The following GCH1 variants were observed in gnomAD, a reference collection of about 807,000 sequenced individuals.
GCH1 encodes the protein GTP cyclohydrolase I.
A neutral mutation model predicts 25.9 loss-of-function variants in GCH1; 5 were observed. That is an observed-to-expected ratio of 0.19 (90% CI 0.10 to 0.41). The LOEUF (loss-of-function observed/expected upper bound fraction) is 0.41, where lower values mean the gene tolerates loss of function less well. Among genes scored for constraint, GCH1 ranks in the 10% least tolerant of loss-of-function variants. The pLI is 1.00. For synonymous variants in GCH1, 159 were observed against 129.6 expected (o/e 1.23, Z -1.54); for missense variants, 261 against 336.5 (o/e 0.78, Z 1.75).
intron 3 of GCH1, among the ~76,000 whole-genome samples, chr14:54,853,109 G>A (rs564067611): frequency 1.3e-5 from 2 of 152,170 alleles, no homozygotes; most frequent in East Asian, 1.9e-4. Flanking sequence ...GACTACAGGC[G>A]TGTGCCACCA....
chr14:54,897,730 G>A (rs112482831), intron 1 of GCH1, among the ~76,000 whole-genome samples: 217 of 152,296 alleles, frequency 1.4e-3, no homozygotes, highest in African/African-American at 4.8e-3. Context: ...TCAAATACCA[G>A]CTCTACTACT....
chr14:54,885,434 G>T, intron 1 of GCH1: 1 of 226,936 alleles, frequency 4.4e-6, no homozygotes, highest in Non-Finnish European at 9.0e-6. Context: ...TTCAGGTAAT[G>T]GGGTTGCTCT....
chr14:54,863,831 GT>G (rs2039953637), intron 2 of GCH1, among the ~76,000 whole-genome samples: 1 of 148,002 alleles, frequency 6.8e-6, no homozygotes, highest in South Asian at 2.2e-4. Context: ...ACATATTGTA[GT>G]TGTGGGGGTT....
chr14:54,900,092 T>C (rs1218960657), intron 1 of GCH1, among the ~76,000 whole-genome samples: 1 of 152,122 alleles, frequency 6.6e-6, no homozygotes, highest in African/African-American at 2.4e-5. Flanking sequence ...CTCGAACTCC[T>C]GACCTCAGGT....
intron 1 of GCH1, among the ~76,000 whole-genome samples, chr14:54,891,480 G>T (rs1014899071): frequency 6.9e-6 from 1 of 145,320 alleles, no homozygotes. Context: ...TGCAATCCCA[G>T]TTCACTGCAA....
intron 5 of GCH1, 56 bp from the exon 6 acceptor site, chr14:54,844,199 T>G (rs2039606080): frequency 2.5e-6 from 3 of 1,200,682 alleles, no homozygotes; most frequent in Admixed American, 1.7e-5. Flanking sequence ...CTGGTTTGGT[T>G]TTTAAAAGCA....
At chr14:54,893,084 A>T (rs2040444208) in intron 1 of GCH1, among the ~76,000 whole-genome samples, 1 of 152,200 alleles carries the variant, frequency 6.6e-6, no homozygotes, top group South Asian at 2.1e-4. Flanking sequence ...GCCTCCAAAT[A>T]AATAAATATT....
chr14:54,891,518 T>C (rs2040423036), intron 1 of GCH1, among the ~76,000 whole-genome samples: 1 of 151,510 alleles, frequency 6.6e-6, no homozygotes, highest in African/African-American at 2.4e-5. Flanking sequence ...CAAGTGATTC[T>C]CGTGCCTCAG....
intron 3 of GCH1, among the ~76,000 whole-genome samples, chr14:54,857,818 CTT>C (rs1330074067): frequency 6.6e-6 from 1 of 152,188 alleles, no homozygotes; most frequent in African/African-American, 2.4e-5. Flanking sequence ...TACCAACACA[CTT>C]TTTCTCAGCA....
intron 1 of GCH1, among the ~76,000 whole-genome samples, chr14:54,888,554 C>T (rs1024655213): frequency 1.3e-5 from 2 of 151,870 alleles, no homozygotes; most frequent in African/African-American, 4.8e-5. Context: ...ACTCTGTCGC[C>T]CAGGCTGGAG....
Position 54,902,535 on chromosome 14 carries a change from C to T in GCH1, c.129G>A (p.Glu43=). The T allele has an allele frequency of 1.9e-6, 3 of 1,565,580 alleles. No individual in the cohort carries two copies. The highest frequency in any genetic ancestry group is 2.6e-6 in the Non-Finnish European group (3 of 1,157,950). Residue 43 remains glutamate, a synonymous_variant, in exon 1 of 6, where the codon GAG becomes GAA. Coordinates refer to ENST00000491895, the MANE Select transcript of GCH1 (RefSeq NM_000161.3). The part of the protein sequence containing the change: ...SRPAEKPPRP[E]AKSAQPADGW... ...CGTCCGCGGGCTGCGCGCTCTTGGCCTCGGGCCGCGGGGGCTTCTCCGCCG... is the reference window on the plus strand; with the variant it reads ...CGTCCGCGGGCTGCGCGCTCTTGGCTTCGGGCCGCGGGGGCTTCTCCGCCG...
intron 1 of GCH1, among the ~76,000 whole-genome samples, chr14:54,890,177 T>A (rs2040405299): frequency 6.6e-6 from 1 of 152,174 alleles, no homozygotes; most frequent in African/African-American, 2.4e-5. Flanking sequence ...GCCAAGGGGA[T>A]TCACGAGAAA....
At chr14:54,875,346 G>C (rs1344489412) in intron 1 of GCH1, among the ~76,000 whole-genome samples, 1 of 152,108 alleles carries the variant, frequency 6.6e-6, no homozygotes, top group East Asian at 1.9e-4. Context: ...ACACTTAAAC[G>C]TTAGACCTAA....
chr14:54,856,350 C>T (rs963313110), intron 3 of GCH1, among the ~76,000 whole-genome samples: 9 of 152,198 alleles, frequency 5.9e-5, no homozygotes, highest in African/African-American at 1.9e-4. Flanking sequence ...CTTCTTTAGC[C>T]TCCACAGTAG....
intron 4 of GCH1, 42 bp downstream of exon 4, chr14:54,847,057 A>G (rs1042979447): frequency 3.8e-6 from 3 of 797,832 alleles, no homozygotes; most frequent in African/African-American, 3.5e-5. Flanking sequence ...AAAAGAAAAA[A>G]AAGAAAAATG....
chr14:54,855,584 C>T (rs183113451), intron 3 of GCH1, among the ~76,000 whole-genome samples: 94 of 147,842 alleles, frequency 6.4e-4, no homozygotes, highest in African/African-American at 2.1e-3. Context: ...GAGGCCAAGG[C>T]AGGCTGATCA....
intron 1 of GCH1, chr14:54,885,714 C>G (rs1470245281): frequency 5.0e-6 from 1 of 201,180 alleles, no homozygotes; most frequent in Non-Finnish European, 1.0e-5. Context: ...CATGGCGAAA[C>G]CCCGTCTCCA....
intron 1 of GCH1, among the ~76,000 whole-genome samples, chr14:54,873,597 G>C (rs934593799): frequency 6.6e-6 from 1 of 151,950 alleles, no homozygotes; most frequent in Non-Finnish European, 1.5e-5. Flanking sequence ...TAGACCGCTA[G>C]CAAGACTAAT....
intron 3 of GCH1, among the ~76,000 whole-genome samples, chr14:54,854,629 T>C (rs2039781599): frequency 6.6e-6 from 1 of 152,236 alleles, no homozygotes; most frequent in South Asian, 2.1e-4. Context: ...AAGCATTGTC[T>C]GTAGCACCTG....
Sources: allele counts gnomAD v4.1 joint callset (sites outside exome capture counted in the v4.1 genomes callset), GRCh38; gene constraint gnomAD v4.1.1; transcripts MANE v1.5; gene names NCBI Gene and HGNC (gene_info 2026-07-23, HGNC 2026-07-21).